ABCB10: variants seen among roughly 807,000 people sequenced by gnomAD.
The protein encoded by ABCB10 is ATP binding cassette subfamily B member 10, also known as ATP-binding cassette sub-family B member 10, mitochondrial.
Under a neutral mutation model 65.4 loss-of-function variants are expected in ABCB10, and 54 were observed. The observed-to-expected ratio is 0.83, with a 90% CI of 0.66 to 1.04. ABCB10 has a LOEUF of 1.04. Ranked by LOEUF, ABCB10 falls within the 50% of genes least tolerant of loss-of-function variation. ABCB10 has a pLI of 0.00. For missense variants in ABCB10, 846 were observed against 976.6 expected, an observed-to-expected ratio of 0.87 and a Z score of 1.78; for synonymous variants, 418 against 406.5, an observed-to-expected ratio of 1.03 and a Z score of -0.34.
intron 1 of ABCB10, among the ~76,000 whole-genome samples, chr1:229,550,525 C>CAAAAAAAAAAAAAAAAAAAAA (rs60323914): frequency 2.7e-4 from 17 of 63,536 alleles, no homozygotes; most frequent in African/African-American, 1.0e-3. Context: ...ATGCTGTCTC[C>CAAAAAAAAAAAAAAAAAAAAA]AAAAAAAAAA....
chr1:229,529,295 CAAAAAAAAAAAAAAAAAAAAA>C (rs59264291), intron 8 of ABCB10, among the ~76,000 whole-genome samples: 2 of 23,118 alleles, frequency 8.7e-5, no homozygotes, highest in African/African-American at 3.3e-4. Flanking sequence ...GACTCCGTCT[CAAAAAAAAAAAAAAAAAAAAA>C]AAAAAAAAAA....
At chr1:229,556,838 T>C (rs914836052) in intron 1 of ABCB10, among the ~76,000 whole-genome samples, 3 of 152,190 alleles carry the variant, frequency 2.0e-5, no homozygotes, top group African/African-American at 7.2e-5. Flanking sequence ...ATTCCTTCAC[T>C]GAAGGCACTC....
chr1:229,543,193 A>T (rs1239475315), intron 3 of ABCB10, among the ~76,000 whole-genome samples: 1 of 152,102 alleles, frequency 6.6e-6, no homozygotes, highest in East Asian at 1.9e-4. Flanking sequence ...GGAGGACACA[A>T]CTAACAAGTC....
intron 2 of ABCB10, among the ~76,000 whole-genome samples, chr1:229,548,572 A>G (rs1490355366): frequency 8.5e-5 from 13 of 152,208 alleles, no homozygotes; most frequent in Non-Finnish European, 1.8e-4. Context: ...TTAAGGAGAA[A>G]CACAAGCATG....
chr1:229,529,841 G>C (rs191007284), intron 8 of ABCB10, among the ~76,000 whole-genome samples: 15 of 152,200 alleles, frequency 9.9e-5, no homozygotes, highest in Non-Finnish European at 1.8e-4. Flanking sequence ...GGTGCTGCTG[G>C]AGCACCCCAG....
At chr1:229,527,643 C>A (rs1662477973) in intron 8 of ABCB10, among the ~76,000 whole-genome samples, 2 of 152,158 alleles carry the variant, frequency 1.3e-5, no homozygotes, top group African/African-American at 2.4e-5. Flanking sequence ...TGCACTTGTG[C>A]AAAGCTTTAA....
At chr1:229,521,692 C>T (rs955120300) in intron 10 of ABCB10, 57 bp from the exon 11 acceptor site, 82 of 1,585,606 alleles carry the variant, frequency 5.2e-5, no homozygotes, top group Non-Finnish European at 6.3e-5. Context: ...TAGTAATAGG[C>T]TTTTATGATA....
At chr1:229,541,373 C>T (rs1662837761) in intron 4 of ABCB10, among the ~76,000 whole-genome samples, 1 of 152,084 alleles carries the variant, frequency 6.6e-6, no homozygotes, top group African/African-American at 2.4e-5. Flanking sequence ...ATTACAGGCA[C>T]AAACCAGCAC....
chr1:229,528,696 T>A (rs1662499632), intron 8 of ABCB10, among the ~76,000 whole-genome samples: 4 of 152,074 alleles, frequency 2.6e-5, no homozygotes. Context: ...ACAGAATTTT[T>A]TTTTTTTAAT....
At chr1:229,523,681 C>T (rs527598301) in intron 10 of ABCB10, among the ~76,000 whole-genome samples, 38 of 152,290 alleles carry the variant, frequency 2.5e-4, no homozygotes, top group African/African-American at 8.9e-4. Context: ...CTCTGTCTTC[C>T]TCCCAGAAAG....
chr1:229,552,121 CT>C (rs1404416747), intron 1 of ABCB10, among the ~76,000 whole-genome samples: 1 of 152,198 alleles, frequency 6.6e-6, no homozygotes, highest in Non-Finnish European at 1.5e-5. Flanking sequence ...CACACTTTTA[CT>C]TTTTAATAAT....
intron 4 of ABCB10, among the ~76,000 whole-genome samples, chr1:229,541,820 G>A (rs1427435447): frequency 6.6e-6 from 1 of 151,926 alleles, no homozygotes; most frequent in Non-Finnish European, 1.5e-5. Flanking sequence ...TGGGGCGATA[G>A]TCCCAGCTAC....
Position 229,539,575 on chromosome 1 carries a change from T to C in ABCB10, c.1220A>G (p.Asn407Ser). The change falls in exon 6 of 13, where the codon AAC becomes AGC. Residue 407 changes from asparagine to serine, a missense_variant. This residue lies in a region of ABCB10 where 632 missense variants were observed against 803.2 expected (regional missense o/e 0.79). Transcript: ENST00000344517. ...GTACAGGACAGAAAGCACGATCAGG[T>C]TTCCGGAGAGCCCAGTCTGTCGAAT... ...GFFGATGLSGNLIVLSVLYKG... is the reference protein window; with the variant it reads ...GFFGATGLSGSLIVLSVLYKG... 1.9e-6 allele frequency: 3 copies of C among 1,613,672 alleles called. No homozygotes were observed. Among genetic ancestry groups the C allele is most frequent in the South Asian group, 1.1e-5 (1 of 90,938 alleles).
chr1:229,525,964 CA>C lies in ABCB10; in HGVS notation c.1877del (p.Val626GlyfsTer24). ...IRNFPQGFNT[V>X]VGEKGVLLSG... ...AGAGGAGAACACCCTTTTCTCCAAC[CA>C]CAGTGTTGAACCCTTGGGGGAAATT... On this transcript the variant is annotated frameshift_variant, in exon 10 of 13. Transcript: ENST00000344517. LOFTEE classifies it high-confidence loss of function. The C allele has an allele frequency of 6.2e-7, 1 of 1,613,934 alleles. No homozygotes were observed. The highest frequency in any genetic ancestry group is 8.5e-7 in the Non-Finnish European group (1 of 1,179,938).
At chr1:229,555,349 T>A (rs771296639) in intron 1 of ABCB10, among the ~76,000 whole-genome samples, 28 of 152,266 alleles carry the variant, frequency 1.8e-4, no homozygotes, top group Non-Finnish European at 2.5e-4. Context: ...AGAGTCCTTC[T>A]GGCCAAAGTG....
intron 8 of ABCB10, among the ~76,000 whole-genome samples, chr1:229,528,889 G>C (rs1430379881): frequency 6.6e-6 from 1 of 152,034 alleles, no homozygotes; most frequent in African/African-American, 2.4e-5. Context: ...TGCTGACATT[G>C]TTGTCTACTA....
rs779557375 is a variant in ABCB10 at position 229,547,589 on chromosome 1, T to C, written c.831A>G (p.Ser277=). 6.2e-7 allele frequency: 1 copy of C among 1,614,138 alleles called. No individual in the cohort carries two copies. Among genetic ancestry groups the C allele is most frequent in the East Asian group, 2.2e-5 (1 of 44,888 alleles). The part of the protein sequence containing the change: ...RTGELINRLS[S]DTALLGRSVT... ...CTGAGCGCCCCAGGAGTGCAGTGTC[T>C]GATGAGAGGCGGTTAATCAATTCTC... is the stretch of plus-strand genomic sequence containing the variant. Residue 277 remains serine, a synonymous_variant, in exon 3 of 13, where the codon TCA becomes TCG. Coordinates refer to ENST00000344517, the MANE Select transcript of ABCB10 (RefSeq NM_012089.3).
At chr1:229,549,668 A>G (rs759113929) in intron 1 of ABCB10, among the ~76,000 whole-genome samples, 2 of 152,194 alleles carry the variant, frequency 1.3e-5, no homozygotes, top group Non-Finnish European at 2.9e-5. Context: ...TGAATCAGAG[A>G]AGATGACTTC....
chr1:229,532,144 G>A (rs1416479715), intron 6 of ABCB10, among the ~76,000 whole-genome samples: 2 of 151,974 alleles, frequency 1.3e-5, no homozygotes, highest in East Asian at 3.9e-4. Flanking sequence ...GTAGAGATGG[G>A]GTTTCGCATG....
Sources: allele counts gnomAD v4.1 joint callset (sites outside exome capture counted in the v4.1 genomes callset), GRCh38; gene constraint gnomAD v4.1.1; regional missense constraint gnomAD v4.1.1; transcripts MANE v1.5; gene names NCBI Gene and HGNC (gene_info 2026-07-23, HGNC 2026-07-21).